The following ATP9A variants were observed in gnomAD, a reference collection of about 807,000 sequenced individuals.
ATP9A encodes the protein probable phospholipid-transporting ATPase IIA.
A neutral mutation model predicts 144.1 loss-of-function variants in ATP9A; 52 were observed. That is an observed-to-expected ratio of 0.36 (90% CI 0.29 to 0.45). The LOEUF is 0.45. Ranked by LOEUF, ATP9A falls within the 20% of genes least tolerant of loss-of-function variation. The pLI is 1.00. For synonymous variants in ATP9A, 582 were observed against 557.4 expected, an observed-to-expected ratio of 1.04 and a Z score of -0.62; for missense variants, 947 against 1,392.7, an observed-to-expected ratio of 0.68 and a Z score of 5.09.
chr20:51,665,910 C>G (rs1316268036), intron 13 of ATP9A, among the ~76,000 whole-genome samples: 1 of 152,088 alleles, frequency 6.6e-6, no homozygotes, highest in African/African-American at 2.4e-5. Flanking sequence ...CTTTATGAGT[C>G]CAGTTTAGTT....
intron 1 of ATP9A, among the ~76,000 whole-genome samples, chr20:51,768,070 G>T (rs979531030): frequency 2.6e-5 from 4 of 152,106 alleles, no homozygotes; most frequent in African/African-American, 9.6e-5. Context: ...AGGTGGGCAA[G>T]GAGGCCCAGG....
chr20:51,768,336 G>C lies in ATP9A; in HGVS notation c.34C>G (p.Gln12Glu). Reference sequence around the variant, plus strand: ...GGCCTGCTGTCCATCCGCTTCTTCTGGCGCACCGGCTGCAGCGGGATGTTG... The same window carrying C: ...GGCCTGCTGTCCATCCGCTTCTTCTCGCGCACCGGCTGCAGCGGGATGTTG... ...TDNIPLQPVR[Q>E]KKRMDSRPRA... Residue 12 changes from glutamine (Q) to glutamate (E), a missense_variant, in exon 1 of 28, where the codon CAG (glutamine) becomes GAG (glutamate). Physicochemically the swap from Gln to Glu is conservative, Grantham distance 29 (BLOSUM62 2). Around this residue, in one of 2 missense-constraint regions of ATP9A, gnomAD observed 770 missense variants for 1,047.9 expected, o/e 0.73. Transcript: ENST00000338821. The C allele has an allele frequency of 7.6e-7, 1 of 1,310,910 alleles. No homozygotes were observed. Among genetic ancestry groups the C allele is most frequent in the Non-Finnish European group, 9.8e-7 (1 of 1,019,770 alleles). 81.2% of individuals were successfully genotyped at this position (1,310,910 alleles called of 1,614,324 possible).
chr20:51,618,693 C>G lies in ATP9A; in HGVS notation c.2319G>C (p.Gln773His). ...CACAGGTGAGCTTGCCCGTGCGCTCCTGAAGCAGGCGCACGATCTGGGCCT... is the reference window on the plus strand; with the variant it reads ...CACAGGTGAGCTTGCCCGTGCGCTCGTGAAGCAGGCGCACGATCTGGGCCT... The part of the protein sequence containing the change: ...TQKAQIVRLL[Q>H]ERTGKLTCAV... Residue 773 changes from glutamine (Q) to histidine (H), a missense_variant, in exon 21 of 28, where the codon CAG (glutamine) becomes CAC (histidine). Coordinates refer to ENST00000338821, the MANE Select transcript of ATP9A (RefSeq NM_006045.3). 1 of 1,613,412 alleles carries G rather than the reference C, an allele frequency of 6.2e-7. No homozygotes were observed. The highest frequency in any genetic ancestry group is 8.5e-7 in the Non-Finnish European group (1 of 1,179,916).
Position 51,676,183 on chromosome 20 carries a change from G to A in ATP9A, c.825C>T (p.Tyr275=), listed in dbSNP as rs755790688. 2 of 1,604,604 alleles carry A rather than the reference G, an allele frequency of 1.2e-6. No individual in the cohort carries two copies. Among genetic ancestry groups the A allele is most frequent in the East Asian group, 4.5e-5 (2 of 44,554 alleles). ...ASGTVVGVVL[Y]TGRELRSVMN... is the part of the protein sequence containing the mutation. ...TGACACTCCGGAGTTCTCTGCCAGT[G>A]TAAAGAACAACACCCACAACAGTAC... The change falls in exon 10 of 28, where the codon TAC becomes TAT. Residue 275 remains tyrosine, a synonymous_variant. Transcript: ENST00000338821.
chr20:51,673,554 C>T (rs1028085615), intron 11 of ATP9A, among the ~76,000 whole-genome samples: 7 of 152,122 alleles, frequency 4.6e-5, no homozygotes, highest in African/African-American at 1.4e-4. Flanking sequence ...GCAGTCCCAA[C>T]AGCCACTATC....
intron 1 of ATP9A, among the ~76,000 whole-genome samples, chr20:51,745,659 T>A (rs2077805032): frequency 6.6e-6 from 1 of 151,948 alleles, no homozygotes; most frequent in South Asian, 2.1e-4. Context: ...GAGAGTGTAA[T>A]CTGGCCCCAA....
At chr20:51,645,055 C>G (rs1218804284) in intron 14 of ATP9A, among the ~76,000 whole-genome samples, 1 of 152,198 alleles carries the variant, frequency 6.6e-6, no homozygotes, top group East Asian at 1.9e-4. Flanking sequence ...ATAACTATAA[C>G]CTGAAATGAT....
intron 1 of ATP9A, chr20:51,732,462 AAC>A (rs1471247870): frequency 2.0e-5 from 3 of 152,132 alleles, no homozygotes; most frequent in Non-Finnish European, 4.4e-5. Context: ...GAGCTAAGAA[AAC>A]ACAGCCTCTG....
intron 13 of ATP9A, among the ~76,000 whole-genome samples, chr20:51,662,841 C>T (rs765439215): frequency 3.9e-5 from 6 of 152,050 alleles, no homozygotes; most frequent in African/African-American, 1.2e-4. Context: ...GAGGCTGAGG[C>T]GGGCGGATCA....
At chr20:51,682,254 A>C (rs2077502895) in intron 9 of ATP9A, among the ~76,000 whole-genome samples, 1 of 152,190 alleles carries the variant, frequency 6.6e-6, no homozygotes. Context: ...AAAGTTGGAA[A>C]GAAAAAAATA....
chr20:51,766,111 T>C (rs996789948), intron 1 of ATP9A, among the ~76,000 whole-genome samples: 1 of 152,242 alleles, frequency 6.6e-6, no homozygotes, highest in Admixed American at 6.5e-5. Context: ...ATCACGCTAA[T>C]GATCACTTTT....
At position 51,704,711 on chromosome 20, in the gene ATP9A, C is replaced by G. The variant is rs185619582; in HGVS notation, c.437-7229G>C. Among the ~76,000 whole-genome samples, 142 of 152,234 alleles carry G rather than the reference C, an allele frequency of 9.3e-4. No homozygotes were observed. The East Asian group carries it at 0.021, about 23-fold the overall frequency. On this transcript the variant is annotated intron_variant, in intron 4 of 27. Transcript: ENST00000338821. ...AGGAGAATCGCTTGAACCCAGAAGG[C>G]AGAGGTTGTGGTGAGCCGAGATCGC...
chr20:51,748,508 G>T (rs1312239394), intron 1 of ATP9A, among the ~76,000 whole-genome samples: 1 of 152,150 alleles, frequency 6.6e-6, no homozygotes, highest in Non-Finnish European at 1.5e-5. Context: ...GTTGGCAACT[G>T]ATTCAATTTT....
chr20:51,656,426 G>A (rs6126282), intron 14 of ATP9A, among the ~76,000 whole-genome samples: 68,484 of 151,832 alleles, frequency 0.45, 16,885 homozygotes, highest in East Asian at 0.79. Flanking sequence ...GGTGGTGGGT[G>A]CCTGTAATCC....
intron 14 of ATP9A, among the ~76,000 whole-genome samples, chr20:51,651,514 C>T (rs1026612379): frequency 6.6e-6 from 1 of 150,990 alleles, no homozygotes; most frequent in Non-Finnish European, 1.5e-5. Context: ...AAAATCTATA[C>T]CAGAACATAA....
At chr20:51,730,707 A>G (rs1452022503) in intron 1 of ATP9A, among the ~76,000 whole-genome samples, 1 of 152,230 alleles carries the variant, frequency 6.6e-6, no homozygotes, top group Non-Finnish European at 1.5e-5. Flanking sequence ...ACTGTACTGA[A>G]TAAGACAGGC....
chr20:51,662,294 T>C (rs1417619367), intron 13 of ATP9A, among the ~76,000 whole-genome samples: 1 of 152,208 alleles, frequency 6.6e-6, no homozygotes, highest in African/African-American at 2.4e-5. Flanking sequence ...ACGCCTGTAA[T>C]CCCAGCACTT....
rs1483062505 is a variant in ATP9A at position 51,611,027 on chromosome 20, G to A, written c.2572-862C>T. On this transcript the variant is annotated intron_variant, in intron 23 of 27. Transcript: ENST00000338821. This position sits in a 1 kb window ranked among gnomAD's most constrained non-coding sequence, Gnocchi z 4.2. ...TAGCTCCATCTCTGGACCTCTATGG[G>A]CTAACAGAGGAAACACGGTCTCCAA... Among the ~76,000 whole-genome samples, 1 of 152,174 alleles carries A rather than the reference G, an allele frequency of 6.6e-6. No individual in the cohort carries two copies. Among genetic ancestry groups the A allele is most frequent in the South Asian group, 2.1e-4 (1 of 4,830 alleles).
intron 3 of ATP9A, among the ~76,000 whole-genome samples, chr20:51,725,303 A>G (rs1337749198): frequency 6.6e-6 from 1 of 151,992 alleles, no homozygotes. Flanking sequence ...TTATATTTTT[A>G]GTAGAGATGG....
Sources: allele counts gnomAD v4.1 joint callset (sites outside exome capture counted in the v4.1 genomes callset), GRCh38; gene constraint gnomAD v4.1.1; regional missense constraint gnomAD v4.1.1; non-coding constraint Gnocchi (gnomAD v3.1); transcripts MANE v1.5; gene names NCBI Gene and HGNC (gene_info 2026-07-23, HGNC 2026-07-21).